Variants in CDH20 observed in about 807,000 individuals in gnomAD.
CDH20 encodes cadherin-20.
A neutral mutation model predicts 74.2 loss-of-function variants in CDH20; 29 were observed. That is an observed-to-expected ratio of 0.39 (90% confidence interval 0.29 to 0.53). CDH20 has a LOEUF of 0.53. Among genes scored for constraint, CDH20 ranks in the 20% least tolerant of loss-of-function variants. The pLI is 0.69. For missense variants in CDH20, 988 were observed against 1,048.3 expected (o/e 0.94, Z 0.79); for synonymous variants, 469 against 405.4 (o/e 1.16, Z -1.88).
chr18:61,439,841 G>C (rs1908968290), intron 1 of CDH20, among the ~76,000 whole-genome samples: 1 of 152,134 alleles, frequency 6.6e-6, no homozygotes, highest in African/African-American at 2.4e-5. Flanking sequence ...ACTGGAGTCA[G>C]GTGAGTTGGC....
At chr18:61,519,378 T>C (rs113366889) in intron 6 of CDH20, among the ~76,000 whole-genome samples, 2,409 of 151,050 alleles carry the variant, frequency 0.016, 191 homozygotes, top group African/African-American at 0.056. Context: ...GAGAGAAAGA[T>C]GAGGTACCCA....
intron 1 of CDH20, among the ~76,000 whole-genome samples, chr18:61,415,314 T>G (rs1036751345): frequency 3.9e-5 from 6 of 152,270 alleles, no homozygotes; most frequent in Middle Eastern, 3.4e-3. Flanking sequence ...AATAAAGAGA[T>G]AATGAAAAAC....
intron 2 of CDH20, among the ~76,000 whole-genome samples, chr18:61,491,430 G>C (rs1401600759): frequency 1.3e-5 from 2 of 152,146 alleles, no homozygotes; most frequent in African/African-American, 4.8e-5. Context: ...CCAAGTGAGA[G>C]AGAATGGGAG....
chr18:61,449,962 C>T (rs1354561744), intron 1 of CDH20, among the ~76,000 whole-genome samples: 1 of 151,954 alleles, frequency 6.6e-6, no homozygotes, highest in Non-Finnish European at 1.5e-5. Flanking sequence ...TATTCTATTA[C>T]TTTCAGTGTA....
At chr18:61,476,488 G>A (rs1225095522) in intron 1 of CDH20, among the ~76,000 whole-genome samples, 1 of 152,130 alleles carries the variant, frequency 6.6e-6, no homozygotes, top group Non-Finnish European at 1.5e-5. Context: ...TAAAATGACT[G>A]CTGTATTAAC....
chr18:61,391,797 A>G (rs1911792008), intron 1 of CDH20: 1 of 152,142 alleles, frequency 6.6e-6, no homozygotes, highest in African/African-American at 2.4e-5. Flanking sequence ...TAAAAAATGA[A>G]ATCAGGCAAA....
At chr18:61,528,312 T>G in intron 7 of CDH20, 92 bp downstream of exon 7, 1 of 1,338,416 alleles carries the variant, frequency 7.5e-7, no homozygotes, top group Non-Finnish European at 1.0e-6. Context: ...TGTTTCTTTC[T>G]TCTCTATCCC....
intron 1 of CDH20, among the ~76,000 whole-genome samples, chr18:61,393,996 T>G (rs1439756544): frequency 1.1e-4 from 17 of 152,172 alleles, no homozygotes; most frequent in Non-Finnish European, 8.8e-5. Flanking sequence ...TTTTAATTTA[T>G]GTAATAATCT....
At chr18:61,374,857 G>A (rs781114640) in intron 1 of CDH20, among the ~76,000 whole-genome samples, 25 of 151,980 alleles carry the variant, frequency 1.6e-4, no homozygotes, top group African/African-American at 2.7e-4. Context: ...TCTACCCTGG[G>A]CACAACCTCT....
chr18:61,528,120 C>G lies in CDH20; in HGVS notation c.1171C>G (p.Pro391Ala), dbSNP rs149914937. The change falls in exon 7 of 12, where the codon CCT becomes GCT. Residue 391 changes from proline to alanine, a missense_variant. By Grantham distance (27) the Pro-to-Ala change is conservative. Transcript: ENST00000262717. ...CGTGGACGAGCCCCCTGTGTTTGAA[C>G]CTGGCTTTTACTTTGTGGAGGTGCC... Reference protein sequence around the residue: ...EDVDEPPVFEPGFYFVEVPED... With the variant: ...EDVDEPPVFEAGFYFVEVPED... 427 of 1,614,152 alleles carry G rather than the reference C, an allele frequency of 2.6e-4. 1 individual carries two copies. The African/African-American group carries it at 4.8e-3, about 18-fold the overall frequency.
intron 1 of CDH20, among the ~76,000 whole-genome samples, chr18:61,428,247 A>G (rs966596098): frequency 1.3e-5 from 2 of 152,136 alleles, no homozygotes; most frequent in African/African-American, 4.8e-5. Context: ...TGGAATCTGC[A>G]ATCAAGTAAG....
At position 61,462,071 on chromosome 18, in the gene CDH20, C is replaced by CA. The variant is rs1909797980; in HGVS notation, c.-152-28326dup. On this transcript the variant is annotated intron_variant, in intron 1 of 11. Transcript: ENST00000262717. ...TACTCTCAATCTTCCATCTGCTAGGCAAAAAGGGGAGGGGAGTGCAAAGGA... is the reference window on the plus strand; with the variant it reads ...TACTCTCAATCTTCCATCTGCTAGGCAAAAAAGGGGAGGGGAGTGCAAAGGA... 2.0e-5 allele frequency among the ~76,000 whole-genome samples: 3 copies of CA among 152,000 alleles called. No individual in the cohort carries two copies. The South Asian group carries it at 6.2e-4, about 32-fold the overall frequency.
At chr18:61,396,784 A>G (rs1476322223) in intron 1 of CDH20, among the ~76,000 whole-genome samples, 1 of 152,220 alleles carries the variant, frequency 6.6e-6, no homozygotes, top group African/African-American at 2.4e-5. Flanking sequence ...GGTAGCAGGC[A>G]GTTAATCCCC....
intron 10 of CDH20, among the ~76,000 whole-genome samples, chr18:61,547,400 C>G (rs1913288427): frequency 6.6e-6 from 1 of 152,162 alleles, no homozygotes; most frequent in Non-Finnish European, 1.5e-5. Context: ...GTTCCTGTGC[C>G]TGAAACATGA....
chr18:61,507,803 T>C (rs1911628880), intron 6 of CDH20, among the ~76,000 whole-genome samples: 1 of 152,018 alleles, frequency 6.6e-6, no homozygotes, highest in Non-Finnish European at 1.5e-5. Context: ...ATTATAAATA[T>C]ATTTCTAAAT....
intron 1 of CDH20, among the ~76,000 whole-genome samples, chr18:61,392,365 T>G (rs1911817835): frequency 6.6e-6 from 1 of 152,148 alleles, no homozygotes; most frequent in African/African-American, 2.4e-5. Flanking sequence ...AGCTCCCTTT[T>G]ATATACAATC....
intron 1 of CDH20, among the ~76,000 whole-genome samples, chr18:61,451,727 T>A (rs1303662121): frequency 6.6e-6 from 1 of 150,614 alleles, no homozygotes; most frequent in African/African-American, 2.4e-5. Flanking sequence ...CATGGCTGAA[T>A]GTTGACTACA....
At chr18:61,418,519 A>C (rs570931601) in intron 1 of CDH20, among the ~76,000 whole-genome samples, 37 of 135,438 alleles carry the variant, frequency 2.7e-4, no homozygotes, top group Non-Finnish European at 5.0e-4. Flanking sequence ...GCGCCACTGC[A>C]CTCCAGCCTG....
chr18:61,419,528 T>C (rs12965182), intron 1 of CDH20, among the ~76,000 whole-genome samples: 33,900 of 152,188 alleles, frequency 0.22, 4,114 homozygotes, highest in Middle Eastern at 0.35. Context: ...TGCAATTTTA[T>C]ACCCACTAGC....
Sources: gnomAD v4.1 joint callset for allele counts (sites outside exome capture counted in the v4.1 genomes callset) on GRCh38, gnomAD v4.1.1 for gene constraint, MANE v1.5 for transcripts, NCBI Gene and HGNC (gene_info 2026-07-23, HGNC 2026-07-21) for gene names.